Variants in DCC observed in about 807,000 individuals in gnomAD.
DCC encodes netrin receptor DCC.
Under a neutral mutation model 172.5 loss-of-function variants are expected in DCC, and 58 were observed. That is an observed-to-expected ratio of 0.34 (90% CI 0.27 to 0.42). The LOEUF (loss-of-function observed/expected upper bound fraction) is 0.42, where lower values mean the gene tolerates loss of function less well. Ranked by LOEUF, DCC falls within the 10% of genes least tolerant of loss-of-function variation. The pLI, the probability that DCC is intolerant of heterozygous loss-of-function variation, is 1.00. For synonymous variants in DCC, 709 were observed against 644.5 expected, an observed-to-expected ratio of 1.10 and a Z score of -1.52; for missense variants, 1,740 against 1,791.0, an observed-to-expected ratio of 0.97 and a Z score of 0.51.
chr18:52,413,370 A>G (rs1336218021), intron 1 of DCC, among the ~76,000 whole-genome samples: 3 of 151,744 alleles, frequency 2.0e-5, no homozygotes, highest in African/African-American at 4.8e-5. Context: ...GATGATTCAT[A>G]TATTAGTAAA....
intron 1 of DCC, among the ~76,000 whole-genome samples, chr18:52,380,200 T>C (rs1034609657): frequency 6.6e-6 from 1 of 152,094 alleles, no homozygotes; most frequent in Admixed American, 6.6e-5. Context: ...AGCCTATCTC[T>C]TACTGTCACC....
chr18:52,601,822 ACT>A lies in DCC; in HGVS notation c.92-150229_92-150228del, dbSNP rs1449603986. Among the ~76,000 whole-genome samples the A allele has an allele frequency of 2.0e-5, 3 of 152,008 alleles. No homozygotes were observed. The East Asian group carries it at 5.8e-4, about 29-fold the overall frequency. ...TTTGCTTCCGTCTTATGCAGGAGTAACTCTAAAACCTTTGTATTCCAGGGCCA... is the reference window on the plus strand; with the variant it reads ...TTTGCTTCCGTCTTATGCAGGAGTAACTAAAACCTTTGTATTCCAGGGCCA... On this transcript the variant is annotated intron_variant, in intron 1 of 28. Transcript: ENST00000442544.
intron 1 of DCC, among the ~76,000 whole-genome samples, chr18:52,479,126 G>A (rs534711967): frequency 6.6e-6 from 1 of 152,130 alleles, no homozygotes; most frequent in Non-Finnish European, 1.5e-5. Context: ...GTTTGTGAAA[G>A]TTAAATGATA....
chr18:53,211,808 G>A (rs959831110), intron 11 of DCC, among the ~76,000 whole-genome samples: 2 of 152,126 alleles, frequency 1.3e-5, no homozygotes, highest in African/African-American at 4.8e-5. Context: ...AGAACTTTGG[G>A]AAGCTGAGGT....
At chr18:53,450,388 C>T in intron 22 of DCC, 112 bp from the exon 23 acceptor site, 1 of 1,182,094 alleles carries the variant, frequency 8.5e-7, no homozygotes, top group South Asian at 1.3e-5. Flanking sequence ...ATCACTACCC[C>T]TAAGTTCAGA....
At chr18:52,351,801 T>G (rs574668419) in intron 1 of DCC, among the ~76,000 whole-genome samples, 1 of 152,206 alleles carries the variant, frequency 6.6e-6, no homozygotes, top group Non-Finnish European at 1.5e-5. Context: ...TTGTCCCTAT[T>G]ACTATTTCTT....
chr18:52,487,881 A>G (rs1352544847), intron 1 of DCC, among the ~76,000 whole-genome samples: 1 of 151,870 alleles, frequency 6.6e-6, no homozygotes, highest in Non-Finnish European at 1.5e-5. Flanking sequence ...TCCTTGACAA[A>G]TACATAAACC....
At chr18:53,489,256 T>A (rs1206805960) in intron 26 of DCC, among the ~76,000 whole-genome samples, 1 of 152,206 alleles carries the variant, frequency 6.6e-6, no homozygotes, top group Non-Finnish European at 1.5e-5. Flanking sequence ...TTAAAATAAA[T>A]ACATCTTCAG....
intron 1 of DCC, among the ~76,000 whole-genome samples, chr18:52,507,397 T>C (rs2031271989): frequency 6.6e-6 from 1 of 152,210 alleles, no homozygotes; most frequent in Non-Finnish European, 1.5e-5. Flanking sequence ...TAAAAAGCTT[T>C]GACCAGGAAG....
chr18:52,727,899 T>C (rs1286403132), intron 1 of DCC, among the ~76,000 whole-genome samples: 1 of 152,224 alleles, frequency 6.6e-6, no homozygotes, highest in Non-Finnish European at 1.5e-5. Context: ...TAATCCATGG[T>C]CCATCAGCTT....
chr18:53,389,971 C>T (rs1033769679), intron 16 of DCC, among the ~76,000 whole-genome samples: 1 of 152,110 alleles, frequency 6.6e-6, no homozygotes, highest in Non-Finnish European at 1.5e-5. Context: ...AATTAGAAAA[C>T]GTCCCATATG....
intron 2 of DCC, among the ~76,000 whole-genome samples, chr18:52,861,011 C>CAG (rs2039134237): frequency 8.3e-6 from 1 of 120,974 alleles, no homozygotes; most frequent in Non-Finnish European, 1.7e-5. Context: ...GAATCCATTT[C>CAG]AAAAAAAAAA....
intron 5 of DCC, among the ~76,000 whole-genome samples, chr18:52,976,076 T>C (rs1434314072): frequency 6.6e-6 from 1 of 152,200 alleles, no homozygotes; most frequent in Non-Finnish European, 1.5e-5. Context: ...TGGTATATCA[T>C]TGTTGTTTTG....
chr18:52,881,034 T>C (rs1017214273), intron 2 of DCC, among the ~76,000 whole-genome samples: 1 of 152,126 alleles, frequency 6.6e-6, no homozygotes, highest in Non-Finnish European at 1.5e-5. Flanking sequence ...ATTACCTGTC[T>C]TTGGGATAAA....
intron 15 of DCC, among the ~76,000 whole-genome samples, chr18:53,374,101 T>C (rs1448356095): frequency 6.6e-6 from 1 of 152,172 alleles, no homozygotes; most frequent in African/African-American, 2.4e-5. Context: ...TTTATGTAGG[T>C]GTGCTGTCCA....
In DCC at chr18:52,580,753, G is replaced by T. The variant is rs1040301767; in HGVS notation, c.92-171301G>T. Among the ~76,000 whole-genome samples, 5 of 152,130 alleles carry T rather than the reference G, an allele frequency of 3.3e-5. No individual in the cohort carries two copies. In the South Asian group the frequency reaches 6.2e-4, roughly 19 times the overall value. On this transcript the variant is annotated intron_variant, in intron 1 of 28. Transcript: ENST00000442544. ...TGTCATCATCATTCTAGCTAAGGTT[G>T]CCTTTTAAGTGACATGAGGAATATC...
chr18:52,534,255 A>G (rs368438668), intron 1 of DCC, among the ~76,000 whole-genome samples: 44 of 152,298 alleles, frequency 2.9e-4, no homozygotes, highest in African/African-American at 1.0e-3. Flanking sequence ...TTACATAACA[A>G]CTCTAAGATC....
At chr18:53,348,005 C>A (rs1433314240) in intron 15 of DCC, among the ~76,000 whole-genome samples, 1 of 152,056 alleles carries the variant, frequency 6.6e-6, no homozygotes, top group Non-Finnish European at 1.5e-5. Flanking sequence ...TATCATTCTG[C>A]CCCTGGCCCC....
At chr18:53,156,493 A>T (rs2054736667) in intron 7 of DCC, among the ~76,000 whole-genome samples, 1 of 152,130 alleles carries the variant, frequency 6.6e-6, no homozygotes. Flanking sequence ...AACCAAAAAA[A>T]AAAAAAAAAG....
Sources: gnomAD v4.1 joint callset for allele counts (sites outside exome capture counted in the v4.1 genomes callset) on GRCh38, gnomAD v4.1.1 for gene constraint, MANE v1.5 for transcripts, NCBI Gene and HGNC (gene_info 2026-07-23, HGNC 2026-07-21) for gene names.